The following C2orf76 variants were observed in gnomAD, a reference collection of about 807,000 sequenced individuals.
The protein encoded by C2orf76 is UPF0538 protein C2orf76.
Under a neutral mutation model 16.9 loss-of-function variants are expected in C2orf76, and 23 were observed. The ratio of observed to expected loss-of-function variants is 1.36; its 90% CI spans 0.98 to 1.93. C2orf76 has a LOEUF of 1.93. C2orf76 is among the 30% of genes most tolerant of loss of function. The probability of loss-of-function intolerance (pLI) is 0.00; values close to 1 mark genes in which losing one functional copy is unlikely to be tolerated. For missense variants in C2orf76, 152 were observed against 152.6 expected (o/e 1.00, Z 0.02); for synonymous variants, 48 against 52.3 (o/e 0.92, Z 0.35).
chr2:119,287,519 T>G, the C2orf76 span, among the ~76,000 whole-genome samples: 4 of 76,122 alleles, frequency 5.3e-5, no homozygotes, highest in Non-Finnish European at 8.2e-5. Flanking sequence ...TAATAACATG[T>G]TTTTTTTTTT....
intron 2 of C2orf76, among the ~76,000 whole-genome samples, chr2:119,322,850 T>TG (rs554357198): frequency 2.4e-5 from 2 of 82,812 alleles, no homozygotes; most frequent in East Asian, 3.6e-4. Flanking sequence ...ACTTGCTGAG[T>TG]GGGGGGTGGG....
chr2:119,291,539 T>TCGG, the C2orf76 span, among the ~76,000 whole-genome samples: 5 of 151,924 alleles, frequency 3.3e-5, no homozygotes, highest in African/African-American at 1.2e-4. Flanking sequence ...CAGGGCTGGC[T>TCGG]GAATCCAAGG....
At chr2:119,313,589 G>T (rs898793532) in intron 4 of C2orf76, among the ~76,000 whole-genome samples, 3 of 102,824 alleles carry the variant, frequency 2.9e-5, no homozygotes, top group African/African-American at 1.3e-4. Flanking sequence ...GAGTGAGATT[G>T]TGTCTCAAAA....
chr2:119,366,540 A>G (rs762155654), intron 1 of C2orf76: 1 of 466,158 alleles, frequency 2.1e-6, no homozygotes, highest in Admixed American at 2.4e-5. Flanking sequence ...TCTCCTCTAG[A>G]CCCCAAGGGA....
intron 2 of C2orf76, among the ~76,000 whole-genome samples, chr2:119,328,103 C>T (rs1679568179): frequency 6.6e-6 from 1 of 152,052 alleles, no homozygotes; most frequent in Admixed American, 6.6e-5. Context: ...TCAAGAGAAC[C>T]TCCTGCCTCA....
intron 1 of C2orf76, chr2:119,366,391 A>G (rs569933442): frequency 1.0e-4 from 48 of 470,700 alleles, no homozygotes; most frequent in African/African-American, 9.0e-4. Context: ...ATAAATGTGC[A>G]ATACAGGCCT....
At chr2:119,299,339 G>A (rs975506725), downstream of C2orf76, among the ~76,000 whole-genome samples, 3 of 152,228 alleles carry the variant, frequency 2.0e-5, no homozygotes, top group Non-Finnish European at 4.4e-5. Flanking sequence ...ATATATGCAT[G>A]AGCAAGAATA....
intron 1 of C2orf76, among the ~76,000 whole-genome samples, chr2:119,353,398 A>G (rs1680464959): frequency 6.6e-6 from 1 of 152,130 alleles, no homozygotes; most frequent in Admixed American, 6.5e-5. Flanking sequence ...CTAAAAGTAA[A>G]ATGTTAATTG....
downstream of C2orf76, among the ~76,000 whole-genome samples, chr2:119,299,340 A>G (rs550307036): frequency 6.6e-6 from 1 of 152,266 alleles, no homozygotes; most frequent in Non-Finnish European, 1.5e-5. Context: ...TATATGCATG[A>G]GCAAGAATAT....
upstream of C2orf76, chr2:119,366,975 C>T: frequency 1.9e-6 from 3 of 1,594,584 alleles, no homozygotes; most frequent in Non-Finnish European, 2.6e-6. Flanking sequence ...AAGGCGCTTG[C>T]CAGTGCAATC....
At chr2:119,305,553 A>G (rs1678750269) in intron 5 of C2orf76, among the ~76,000 whole-genome samples, 1 of 152,204 alleles carries the variant, frequency 6.6e-6, no homozygotes. Context: ...GGAGCCTGAG[A>G]CACACGCACT....
At chr2:119,297,388 A>G (rs550099275), downstream of C2orf76, among the ~76,000 whole-genome samples, 93 of 152,354 alleles carry the variant, frequency 6.1e-4, 1 homozygote, top group African/African-American at 2.2e-3. Context: ...ATGCATACCT[A>G]TATGTTTAAA....
intron 4 of C2orf76, among the ~76,000 whole-genome samples, chr2:119,316,669 A>G (rs1342268987): frequency 6.6e-6 from 1 of 152,196 alleles, no homozygotes; most frequent in African/African-American, 2.4e-5. Flanking sequence ...TACTTCATTC[A>G]AAAATTGTTA....
chr2:119,336,983 C>T (rs1317976216), intron 2 of C2orf76, among the ~76,000 whole-genome samples: 2 of 152,116 alleles, frequency 1.3e-5, no homozygotes, highest in East Asian at 1.9e-4. Context: ...TGACACTTAA[C>T]ATGCCTGGGT....
At chr2:119,330,998 C>T (rs1679659715) in intron 2 of C2orf76, among the ~76,000 whole-genome samples, 1 of 152,056 alleles carries the variant, frequency 6.6e-6, no homozygotes, top group Non-Finnish European at 1.5e-5. Flanking sequence ...TTATCACCTG[C>T]AATATTTCTG....
intron 2 of C2orf76, among the ~76,000 whole-genome samples, chr2:119,339,348 A>G (rs1213534125): frequency 6.6e-6 from 1 of 152,176 alleles, no homozygotes; most frequent in Non-Finnish European, 1.5e-5. Flanking sequence ...CTAGTTTGAA[A>G]CAATCAACTA....
At chr2:119,325,093 T>C (rs1679464703) in intron 2 of C2orf76, among the ~76,000 whole-genome samples, 1 of 151,982 alleles carries the variant, frequency 6.6e-6, no homozygotes, top group African/African-American at 2.4e-5. Flanking sequence ...CCCAGCACTT[T>C]GGGAGTTCAA....
At chr2:119,347,788 T>C (rs1030870478) in intron 1 of C2orf76, among the ~76,000 whole-genome samples, 2 of 152,146 alleles carry the variant, frequency 1.3e-5, no homozygotes, top group South Asian at 2.1e-4. Flanking sequence ...TAGATTCACA[T>C]GTAGATTTGG....
intron 1 of C2orf76, among the ~76,000 whole-genome samples, chr2:119,365,913 A>G (rs989732650): frequency 6.6e-6 from 1 of 151,972 alleles, no homozygotes; most frequent in Non-Finnish European, 1.5e-5. Context: ...GTGATGGCCA[A>G]CTTCTGCATC....
Sources: allele counts gnomAD v4.1 joint callset (sites outside exome capture counted in the v4.1 genomes callset), GRCh38; gene constraint gnomAD v4.1.1; transcripts MANE v1.5; gene names NCBI Gene and HGNC (gene_info 2026-07-23, HGNC 2026-07-21).